The following KCNJ3 variants were observed in gnomAD, a reference collection of about 807,000 sequenced individuals.
KCNJ3 encodes the protein G protein-activated inward rectifier potassium channel 1.
A neutral mutation model predicts 39.2 loss-of-function variants in KCNJ3; 4 were observed. The observed-to-expected ratio is 0.10, with a 90% CI of 0.05 to 0.23. The LOEUF is 0.23. Ranked by LOEUF, KCNJ3 falls within the 10% of genes least tolerant of loss-of-function variation. The pLI, the probability that KCNJ3 is intolerant of heterozygous loss-of-function variation, is 1.00. For synonymous variants in KCNJ3, 230 were observed against 237.4 expected (o/e 0.97, Z 0.29); for missense variants, 276 against 634.9 (o/e 0.43, Z 6.08).
At chr2:154,798,376 T>C in intron 2 of KCNJ3, among the ~76,000 whole-genome samples, 1 of 152,148 alleles carries the variant, frequency 6.6e-6, no homozygotes, top group Non-Finnish European at 1.5e-5. Context: ...GCAATCTCAA[T>C]CAAAATCTCA....
intron 2 of KCNJ3, among the ~76,000 whole-genome samples, chr2:154,749,723 C>T (rs553327144): frequency 3.9e-5 from 6 of 152,110 alleles, no homozygotes; most frequent in South Asian, 2.1e-4. Flanking sequence ...CTGAGGGAGT[C>T]GTAGTGAGTG....
chr2:154,743,745 T>C (rs1685690638), intron 2 of KCNJ3, among the ~76,000 whole-genome samples: 1 of 151,686 alleles, frequency 6.6e-6, no homozygotes, highest in Non-Finnish European at 1.5e-5. Context: ...GCTATTTTTT[T>C]TACAAAGAAA....
chr2:154,698,940 A>G lies in KCNJ3; in HGVS notation c.165A>G (p.Val55=), dbSNP rs1684837944. Residue 55 remains valine, a synonymous_variant, in exon 1 of 3, where the codon GTA becomes GTG. Transcript: ENST00000295101. ...RFVDKNGRCN[V]QHGNLGSETS... ...TGGACAAGAACGGCCGGTGCAATGT[A>G]CAGCACGGCAACCTGGGCAGCGAGA... 4 of 1,614,072 alleles carry G rather than the reference A, an allele frequency of 2.5e-6. No individual in the cohort carries two copies. Among genetic ancestry groups the G allele is most frequent in the South Asian group, 2.2e-5 (2 of 91,092 alleles).
chr2:154,778,007 C>T (rs1310286075), intron 2 of KCNJ3, among the ~76,000 whole-genome samples: 1 of 152,116 alleles, frequency 6.6e-6, no homozygotes, highest in Non-Finnish European at 1.5e-5. Flanking sequence ...CCCTAGCTAG[C>T]TTATTAATTT....
chr2:154,844,157 T>C (rs1453798553), intron 2 of KCNJ3, among the ~76,000 whole-genome samples: 1 of 152,226 alleles, frequency 6.6e-6, no homozygotes, highest in African/African-American at 2.4e-5. Flanking sequence ...TTGATGTTGA[T>C]GCTATTCCTT....
chr2:154,816,254 G>A (rs1361169102), intron 2 of KCNJ3, among the ~76,000 whole-genome samples: 1 of 152,166 alleles, frequency 6.6e-6, no homozygotes, highest in East Asian at 1.9e-4. Context: ...ACAATATTAT[G>A]CAAAAAGAAT....
chr2:154,743,732 G>T (rs187203123), intron 2 of KCNJ3, among the ~76,000 whole-genome samples: 3 of 151,054 alleles, frequency 2.0e-5, no homozygotes, highest in East Asian at 3.9e-4. Context: ...GTATTTAAAG[G>T]TTGCTATTTT....
At chr2:154,753,126 C>T (rs1992701) in intron 2 of KCNJ3, among the ~76,000 whole-genome samples, 69,595 of 151,724 alleles carry the variant, frequency 0.46, 17,082 homozygotes, top group East Asian at 0.88. Context: ...CCATTGTTTT[C>T]GTAGCAAGAC....
intron 2 of KCNJ3, among the ~76,000 whole-genome samples, chr2:154,787,181 G>A (rs1476318094): frequency 3.3e-5 from 5 of 152,044 alleles, no homozygotes; most frequent in Non-Finnish European, 7.4e-5. Context: ...TGGAATTATG[G>A]CTCTCTTTCA....
intron 2 of KCNJ3, among the ~76,000 whole-genome samples, chr2:154,732,231 G>T (rs141332196): frequency 9.9e-5 from 15 of 152,176 alleles, no homozygotes; most frequent in African/African-American, 3.6e-4. Context: ...CCTTGCATAC[G>T]TGTGCATTTT....
intron 2 of KCNJ3, among the ~76,000 whole-genome samples, chr2:154,728,988 G>A: frequency 6.6e-6 from 1 of 151,962 alleles, no homozygotes; most frequent in Admixed American, 6.6e-5. Flanking sequence ...TGTCATTTTT[G>A]TCATCAAAAT....
At chr2:154,779,003 A>C (rs1686387377) in intron 2 of KCNJ3, among the ~76,000 whole-genome samples, 1 of 152,144 alleles carries the variant, frequency 6.6e-6, no homozygotes, top group Non-Finnish European at 1.5e-5. Flanking sequence ...ATAGGATTAA[A>C]TATGTGTAAA....
intron 2 of KCNJ3, among the ~76,000 whole-genome samples, chr2:154,831,694 C>T (rs190882631): frequency 9.2e-5 from 14 of 152,214 alleles, no homozygotes; most frequent in East Asian, 1.9e-4. Flanking sequence ...ATTTATGCAA[C>T]GATACCACCA....
intron 2 of KCNJ3, among the ~76,000 whole-genome samples, chr2:154,713,862 T>C (rs145358889): frequency 5.9e-5 from 9 of 152,340 alleles, no homozygotes; most frequent in Admixed American, 5.2e-4. Context: ...GTCTTTTTAA[T>C]TGTCTTTTCT....
chr2:154,841,883 C>A (rs1414348252), intron 2 of KCNJ3, among the ~76,000 whole-genome samples: 1 of 152,096 alleles, frequency 6.6e-6, no homozygotes, highest in African/African-American at 2.4e-5. Flanking sequence ...TTTCAAAAAA[C>A]CAGCTCCTGG....
chr2:154,847,628 A>C (rs1380117534), intron 2 of KCNJ3, among the ~76,000 whole-genome samples: 1 of 152,044 alleles, frequency 6.6e-6, no homozygotes. Context: ...TGAAAGTTGT[A>C]GTCATATAGC....
intron 2 of KCNJ3, among the ~76,000 whole-genome samples, chr2:154,812,444 C>A (rs1396284572): frequency 6.6e-6 from 1 of 152,026 alleles, no homozygotes; most frequent in Non-Finnish European, 1.5e-5. Context: ...TTAAAAGAGT[C>A]TTTAAAAAAT....
At chr2:154,722,289 A>T (rs576071278) in intron 2 of KCNJ3, among the ~76,000 whole-genome samples, 141 of 152,334 alleles carry the variant, frequency 9.3e-4, no homozygotes, top group African/African-American at 3.2e-3. Flanking sequence ...AGTATAATTC[A>T]TAATCCAGTG....
intron 2 of KCNJ3, among the ~76,000 whole-genome samples, chr2:154,716,552 A>G (rs1438200376): frequency 6.6e-6 from 1 of 152,088 alleles, no homozygotes; most frequent in Non-Finnish European, 1.5e-5. Context: ...CTTTTTATGC[A>G]TACATTGCTC....
Sources: allele counts gnomAD v4.1 joint callset (sites outside exome capture counted in the v4.1 genomes callset), GRCh38; gene constraint gnomAD v4.1.1; transcripts MANE v1.5; gene names NCBI Gene and HGNC (gene_info 2026-07-23, HGNC 2026-07-21).